ZNF518B: variants seen among roughly 807,000 people sequenced by gnomAD.
ZNF518B encodes zinc finger protein 518B.
In ZNF518B, 23 loss-of-function variants were observed where a neutral mutation model predicts 56.3. The ratio of observed to expected loss-of-function variants is 0.41; its 90% CI spans 0.29 to 0.58. The LOEUF is 0.58. Ranked by LOEUF, ZNF518B falls within the 20% of genes least tolerant of loss-of-function variation. The pLI is 0.32. For synonymous variants in ZNF518B, 529 were observed against 465.9 expected (o/e 1.14, Z -1.74); for missense variants, 1,460 against 1,272.1 (o/e 1.15, Z -2.25).
chr4:10,444,109 A>T lies in ZNF518B; in HGVS notation c.2220T>A (p.Thr740=), dbSNP rs1345704922. The T allele has an allele frequency of 2.5e-6, 4 of 1,614,100 alleles. No homozygotes were observed. The Admixed American group carries it at 6.7e-5, about 27-fold the overall frequency. Residue 740 remains threonine, a synonymous_variant, in exon 3 of 3, where the codon ACT becomes ACA. Coordinates refer to ENST00000326756, the MANE Select transcript of ZNF518B (RefSeq NM_053042.3). ...DGGITGNRQL[T]HQQIYPHFAD... is the part of the protein sequence containing the mutation. Reference sequence around the variant, plus strand: ...CAAAGTGTGGATATATTTGTTGATGAGTAAGCTGTCTATTACCAGTAATAC... The same window carrying T: ...CAAAGTGTGGATATATTTGTTGATGTGTAAGCTGTCTATTACCAGTAATAC...
At chr4:10,457,971 G>A (rs1332966775), upstream of ZNF518B, among the ~76,000 whole-genome samples, 1 of 152,200 alleles carries the variant, frequency 6.6e-6, no homozygotes, top group African/African-American at 2.4e-5. Context: ...GGTCGTATGT[G>A]AGGCGCAAAG....
Position 10,444,450 on chromosome 4 carries a change from T to C in ZNF518B, c.1879A>G (p.Thr627Ala). 7 of 1,614,222 alleles carry C rather than the reference T, an allele frequency of 4.3e-6. No homozygotes were observed. Among genetic ancestry groups the C allele is most frequent in the Non-Finnish European group, 5.1e-6 (6 of 1,180,042 alleles). Residue 627 changes from threonine to alanine, a missense_variant, in exon 3 of 3, where the codon ACT (threonine) becomes GCT (alanine). Physicochemically the swap from Thr to Ala is moderately conservative, Grantham distance 58. Transcript: ENST00000326756. Reference sequence around the variant, plus strand: ...GATGAGATGACTGGGCCATCATTAGTGTTGTTAGTCCTTTCAGAATTCTTT... The same window carrying C: ...GATGAGATGACTGGGCCATCATTAGCGTTGTTAGTCCTTTCAGAATTCTTT... ...ELKNSERTNN[T>A]NDGPVISSVF... is the part of the protein sequence containing the mutation.
At position 10,446,367 on chromosome 4, in the gene ZNF518B, A is replaced by T; in HGVS notation, c.-39T>A. The stretch of plus-strand genomic sequence containing the variant: ...CTAAAAAGAGCCAACTAAAATTCAG[A>T]AAGTTTTCACATGATAAAATCCTTA... On this transcript the variant is annotated 5_prime_UTR_variant, in exon 3 of 3. Coordinates refer to ENST00000326756, the MANE Select transcript of ZNF518B (RefSeq NM_053042.3). 1 of 1,576,542 alleles carries T rather than the reference A, an allele frequency of 6.3e-7. No homozygotes were observed. Among genetic ancestry groups the T allele is most frequent in the Non-Finnish European group, 8.7e-7 (1 of 1,154,472 alleles).
At chr4:10,452,475 G>A (rs891422119) in intron 2 of ZNF518B, 1 of 151,958 alleles carries the variant, frequency 6.6e-6, no homozygotes, top group African/African-American at 2.4e-5. Flanking sequence ...AGTGCCCAGT[G>A]AACAATTAAA....
chr4:10,459,652 C>T (rs764296349), upstream of ZNF518B, among the ~76,000 whole-genome samples: 7 of 151,916 alleles, frequency 4.6e-5, no homozygotes, highest in Admixed American at 6.5e-5. Context: ...TGAAGAGACG[C>T]AGAGAAGAAA....
rs762717789 is a variant in ZNF518B, at chr4:10,443,265, G to C, written c.3064C>G (p.Gln1022Glu). ...KLKKVHKNNY[Q>E]VVDSLPDDSS... is the part of the protein sequence containing the mutation. ...TCATCAGGCAAGGAATCCACTACCT[G>C]GTAGTTGTTTTTATGAACTTTTTTG... is the stretch of plus-strand genomic sequence containing the variant. The change falls in exon 3 of 3, where the codon CAG (glutamine) becomes GAG (glutamate). Residue 1022 changes from glutamine to glutamate, a missense_variant. Transcript: ENST00000326756. 1 of 1,614,076 alleles carries C rather than the reference G, an allele frequency of 6.2e-7. No individual in the cohort carries two copies. Among genetic ancestry groups the C allele is most frequent in the Non-Finnish European group, 8.5e-7 (1 of 1,180,008 alleles).
At chr4:10,453,212 A>C (rs1715395547) in intron 2 of ZNF518B, 1 of 152,250 alleles carries the variant, frequency 6.6e-6, no homozygotes, top group Non-Finnish European at 1.5e-5. Flanking sequence ...ATGCTTGGCA[A>C]AGAGTAGATG....
intron 2 of ZNF518B, chr4:10,451,460 G>C (rs1368506894): frequency 6.6e-6 from 1 of 152,066 alleles, no homozygotes; most frequent in Non-Finnish European, 1.5e-5. Context: ...TTCCTTACCT[G>C]TAAAATGAGA....
intron 2 of ZNF518B, chr4:10,453,694 C>G (rs1052521452): frequency 1.3e-5 from 2 of 152,152 alleles, no homozygotes; most frequent in African/African-American, 2.4e-5. Flanking sequence ...GACTCCGGGT[C>G]TCTGAAGGTG....
chr4:10,457,518 G>T (rs906262776), upstream of ZNF518B: 5 of 151,688 alleles, frequency 3.3e-5, no homozygotes, highest in African/African-American at 9.7e-5. Flanking sequence ...CGCCCCCGCC[G>T]GGCTTCTAAG....
intron 2 of ZNF518B, chr4:10,451,919 T>C (rs977833916): frequency 6.6e-6 from 1 of 152,236 alleles, no homozygotes; most frequent in African/African-American, 2.4e-5. Flanking sequence ...GTTTCTGTGA[T>C]AAATGTTAAT....
rs750567803 is a variant in ZNF518B, at chr4:10,444,557, G to A, written c.1772C>T (p.Ser591Phe). The change falls in exon 3 of 3, where the codon TCT (serine) becomes TTT (phenylalanine). Residue 591 changes from serine (S) to phenylalanine (F), a missense_variant. Transcript: ENST00000326756. ...KAVSTVGQIS[S>F]QHKSEYLHIN... ...ATGTAAATACTCACTCTTATGTTGA[G>A]AGGAAATCTGGCCTACAGTTGAAAC... is the stretch of plus-strand genomic sequence containing the variant. 1 of 1,613,962 alleles carries A rather than the reference G, an allele frequency of 6.2e-7. No individual in the cohort carries two copies. The highest frequency in any genetic ancestry group is 1.3e-5 in the African/African-American group (1 of 74,924).
chr4:10,459,841 C>T (rs180773955), upstream of ZNF518B, among the ~76,000 whole-genome samples: 8 of 152,230 alleles, frequency 5.3e-5, no homozygotes, highest in Admixed American at 2.0e-4. Context: ...ACTTCTGAGC[C>T]GACAGAACTG....
chr4:10,449,167 T>C (rs935683674), intron 2 of ZNF518B, among the ~76,000 whole-genome samples: 17 of 152,148 alleles, frequency 1.1e-4, no homozygotes, highest in African/African-American at 4.1e-4. Flanking sequence ...TTAAGACTGG[T>C]GATAAGGGGG....
rs770646851 is a variant in ZNF518B at position 10,443,237 on chromosome 4, G to A, written c.3092C>T (p.Ser1031Phe). 85 of 1,614,074 alleles carry A rather than the reference G, an allele frequency of 5.3e-5. No individual in the cohort carries two copies. Among genetic ancestry groups the A allele is most frequent in the Non-Finnish European group, 6.7e-5 (79 of 1,180,040 alleles). ...CCAGCACTTAAATACACACTGTGAA[G>A]AATCATCAGGCAAGGAATCCACTAC... Reference protein sequence around the residue: ...YQVVDSLPDDSSQCVFKCWFC... With the variant: ...YQVVDSLPDDFSQCVFKCWFC... The change falls in exon 3 of 3, where the codon TCT becomes TTT. Residue 1031 changes from serine to phenylalanine, a missense_variant. By Grantham distance (155) the Ser-to-Phe change is radical. Transcript: ENST00000326756.
At chr4:10,460,315 A>C (rs1269454589), upstream of ZNF518B, among the ~76,000 whole-genome samples, 2 of 93,570 alleles carry the variant, frequency 2.1e-5, no homozygotes, top group Non-Finnish European at 1.7e-5. Flanking sequence ...AAAAAAAAAA[A>C]AAAAAAAACC....
Position 10,445,859 on chromosome 4 carries a change from T to G in ZNF518B, c.470A>C (p.His157Pro). 6.2e-7 allele frequency: 1 copy of G among 1,614,208 alleles called. No individual in the cohort carries two copies. Among genetic ancestry groups the G allele is most frequent in the Non-Finnish European group, 8.5e-7 (1 of 1,180,036 alleles). The change falls in exon 3 of 3, where the codon CAC (histidine) becomes CCC (proline). Residue 157 changes from histidine to proline, a missense_variant. By Grantham distance (77) the His-to-Pro change is moderately conservative. Coordinates refer to ENST00000326756, the MANE Select transcript of ZNF518B (RefSeq NM_053042.3). ...AGAACAAATGAATTTAATCTCCTCG[T>G]GTTGAAGGGTGTGCTTTTTGTACTG... ...PLQYKKHTLQ[H>P]EEIKFICSHC...
chr4:10,447,288 G>A (rs979260693), intron 2 of ZNF518B, among the ~76,000 whole-genome samples: 1 of 152,192 alleles, frequency 6.6e-6, no homozygotes, highest in East Asian at 1.9e-4. Context: ...GGAAGACCAC[G>A]GTGATGAGGT....
rs145878854 is a variant in ZNF518B, at chr4:10,444,427, T to C, written c.1902A>G (p.Ser634=). The change falls in exon 3 of 3, where the codon TCA becomes TCG. Residue 634 remains serine (S), a synonymous_variant. Transcript: ENST00000326756. ...TNNTNDGPVI[S]SVFSLSSGSE... is the part of the protein sequence containing the mutation. ...ATCCAGAGCTCAGAGAAAATACTGA[T>C]GAGATGACTGGGCCATCATTAGTGT... 0.014 allele frequency: 22,880 copies of C among 1,614,208 alleles called. 283 individuals are homozygous for C. The highest frequency in any genetic ancestry group is 0.046 in the South Asian group (4,225 of 91,082).
Sources: allele counts gnomAD v4.1 joint callset (sites outside exome capture counted in the v4.1 genomes callset), GRCh38; gene constraint gnomAD v4.1.1; transcripts MANE v1.5; gene names NCBI Gene and HGNC (gene_info 2026-07-23, HGNC 2026-07-21).